The following BRCA1 variants were observed in gnomAD, a reference collection of about 807,000 sequenced individuals.
BRCA1 encodes the protein breast cancer type 1 susceptibility protein.
BRCA1 carries 140 observed loss-of-function variants against 173.7 expected under a neutral mutation model. The observed-to-expected ratio is 0.81, with a 90% CI of 0.70 to 0.93. The LOEUF (loss-of-function observed/expected upper bound fraction) is 0.93, where lower values mean the gene tolerates loss of function less well. Among genes scored for constraint, BRCA1 ranks in the 40% least tolerant of loss-of-function variants. The pLI, the probability that BRCA1 is intolerant of heterozygous loss-of-function variation, is 0.00. For missense variants in BRCA1, 1,983 were observed against 2,172.5 expected, an observed-to-expected ratio of 0.91 and a Z score of 1.73; for synonymous variants, 662 against 756.0, an observed-to-expected ratio of 0.88 and a Z score of 2.04.
chr17:43,067,833 T>A (rs1236505684), intron 15 of BRCA1, 138 bp from the exon 16 acceptor site: 1 of 426,008 alleles, frequency 2.3e-6, no homozygotes, highest in East Asian at 4.6e-5. Context: ...CTATTTAAAG[T>A]GAATTTTTTT....
At chr17:43,136,125 C>CT (rs1339506679) in intron 1 of BRCA1, among the ~76,000 whole-genome samples, 2 of 152,178 alleles carry the variant, frequency 1.3e-5, no homozygotes, top group African/African-American at 4.8e-5. Flanking sequence ...AGGCCCGTCT[C>CT]TAACAAAGAC....
intron 18 of BRCA1, among the ~76,000 whole-genome samples, chr17:43,059,087 C>A (rs575106898): frequency 2.0e-5 from 3 of 152,286 alleles, no homozygotes; most frequent in Non-Finnish European, 4.4e-5. Flanking sequence ...TGTTCATAGT[C>A]CTCCTTGTAC....
At chr17:43,103,871 C>G (rs1268124792) in intron 6 of BRCA1, among the ~76,000 whole-genome samples, 1 of 151,906 alleles carries the variant, frequency 6.6e-6, no homozygotes, top group African/African-American at 2.4e-5. Context: ...ATTTGGGGAG[C>G]CGAGGTGGGT....
chr17:43,114,012 T>G (rs1286253714), intron 3 of BRCA1, among the ~76,000 whole-genome samples: 3 of 150,596 alleles, frequency 2.0e-5, no homozygotes, highest in African/African-American at 7.4e-5. Flanking sequence ...GAGGTGGAGG[T>G]TGCAGTGAGC....
rs181555052 is a variant in BRCA1, at chr17:43,144,700, A to G, written c.-19-20585T>C. On this transcript the variant is annotated intron_variant, in intron 1 of 7. Transcript: ENST00000634433. ...TTACTGCATGGCTAGAATTAGTTAT[A>G]TATATTCTTTAATATAAGAAAAATA... 37 of 227,588 alleles carry G rather than the reference A, an allele frequency of 1.6e-4. No homozygotes were observed. The Admixed American group carries it at 1.8e-3, about 11-fold the overall frequency. The allele number at this position is 227,588 out of a possible 1,614,324, so 14.1% of individuals were successfully genotyped here. A position where few individuals can be genotyped will look rare whatever the true frequency, so the allele number is the denominator to read the frequency against.
At position 43,104,871 on chromosome 17, in the gene BRCA1, C is replaced by G. The variant is rs2054670804; in HGVS notation, c.298G>C (p.Glu100Gln). The G allele has an allele frequency of 1.2e-6, 2 of 1,613,344 alleles. No individual in the cohort carries two copies. The highest frequency in any genetic ancestry group is 2.2e-5 in the South Asian group (2 of 91,058). ...TCTTGGGATATTCAACACTTACACT[C>G]CAAACCTGTGTCAAGCTGAAAAGCA... is the stretch of plus-strand genomic sequence containing the variant. ...ICAFQLDTGL[E>Q]YANSYNFAKK... The change falls in exon 5 of 23, where the codon GAG becomes CAG. Residue 100 changes from glutamate (E) to glutamine (Q), a missense_variant. Physicochemically the swap from Glu to Gln is conservative, Grantham distance 29. Coordinates refer to ENST00000357654, the MANE Select transcript of BRCA1 (RefSeq NM_007294.4).
chr17:43,124,228 A>G, intron 1 of BRCA1, 113 bp from the exon 2 acceptor site: 1 of 712,534 alleles, frequency 1.4e-6, no homozygotes, highest in Non-Finnish European at 2.3e-6. Flanking sequence ...AGGTTTTAGA[A>G]TAATACAAAC....
At chr17:43,054,744 A>ATT (rs11347376) in intron 19 of BRCA1, among the ~76,000 whole-genome samples, 4 of 137,538 alleles carry the variant, frequency 2.9e-5, no homozygotes, top group East Asian at 2.1e-4. Context: ...CCCAGCTGGG[A>ATT]TTTTTTTTTT....
At chr17:43,086,979 G>T (rs545160227) in intron 11 of BRCA1, among the ~76,000 whole-genome samples, 2 of 152,320 alleles carry the variant, frequency 1.3e-5, no homozygotes, top group Middle Eastern at 3.4e-3. Context: ...GGCAGTAGAA[G>T]ATAAGCCTTC....
At chr17:43,151,053 G>T (rs758056225) in intron 1 of BRCA1, among the ~76,000 whole-genome samples, 1 of 152,106 alleles carries the variant, frequency 6.6e-6, no homozygotes, top group Non-Finnish European at 1.5e-5. Context: ...ATTCCCTAGG[G>T]CCCTCAGGGC....
rs187977357 is a variant in BRCA1 at position 43,084,667 on chromosome 17, T to C, written c.4186-2092A>G. ...GTTCACAATTTTCAGGAGGTTTTTA[T>C]GACCAGAAAATGTATTCCTAGCTTC... On this transcript the variant is annotated intron_variant, in intron 11 of 22. Coordinates refer to ENST00000357654, the MANE Select transcript of BRCA1 (RefSeq NM_007294.4). Among the ~76,000 whole-genome samples, 8 of 152,326 alleles carry C rather than the reference T, an allele frequency of 5.3e-5. No homozygotes were observed. In the East Asian group the frequency reaches 1.5e-3, roughly 29 times the overall value.
chr17:43,111,100 CA>C (rs368128956), intron 3 of BRCA1, among the ~76,000 whole-genome samples: 211 of 113,994 alleles, frequency 1.9e-3, no homozygotes, highest in Middle Eastern at 4.7e-3. Context: ...GACTCCATCT[CA>C]AAAAAAAAAA....
At chr17:43,104,831 G>C (rs768740518) in intron 5 of BRCA1, 37 bp downstream of exon 5, 2 of 1,551,996 alleles carry the variant, frequency 1.3e-6, no homozygotes, top group Non-Finnish European at 1.8e-6. Context: ...TTCATGGACA[G>C]CACTTGAGTG....
rs979531844 is a variant in BRCA1, at chr17:43,094,382, A to G, written c.1149T>C (p.Asn383=). ...ITLNSSIQKV[N]EWFSRSDELL... is the part of the protein sequence containing the mutation. ...GTTCATCACTTCTGGAAAACCACTC[A>G]TTAACTTTCTGAATGCTGCTATTTA... The change falls in exon 10 of 23, where the codon AAT becomes AAC. Residue 383 remains asparagine (N), a synonymous_variant. Coordinates refer to ENST00000357654, the MANE Select transcript of BRCA1 (RefSeq NM_007294.4). 6.2e-7 allele frequency: 1 copy of G among 1,614,202 alleles called. No homozygotes were observed.
intron 4 of BRCA1, among the ~76,000 whole-genome samples, chr17:43,106,027 T>C (rs1048035046): frequency 6.7e-6 from 1 of 148,860 alleles, no homozygotes; most frequent in Non-Finnish European, 1.5e-5. Flanking sequence ...TTTGGGAGGC[T>C]AAGGCAGGAA....
At chr17:43,060,953 C>T (rs2051722548) in intron 18 of BRCA1, among the ~76,000 whole-genome samples, 1 of 151,906 alleles carries the variant, frequency 6.6e-6, no homozygotes, top group East Asian at 1.9e-4. Context: ...TGGTAAAACC[C>T]CATCTCTACT....
chr17:43,109,925 C>T (rs562284966), intron 3 of BRCA1, among the ~76,000 whole-genome samples: 30 of 150,406 alleles, frequency 2.0e-4, no homozygotes, highest in African/African-American at 7.1e-4. Context: ...GACGGAGTCT[C>T]GCTCTGTCTC....
intron 14 of BRCA1, among the ~76,000 whole-genome samples, chr17:43,073,976 T>G (rs2052569720): frequency 6.6e-6 from 1 of 152,118 alleles, no homozygotes; most frequent in South Asian, 2.1e-4. Context: ...AGACAGGTCT[T>G]GAACTCCTGA....
At chr17:43,047,799 TCTTGCTC>T in intron 21 of BRCA1, 96 bp from the exon 22 acceptor site, 1 of 1,299,392 alleles carries the variant, frequency 7.7e-7, no homozygotes, top group African/African-American at 1.5e-5. Context: ...TGAGACAGGG[TCTTGCTC>T]TGTCACCCAG....
Sources: gnomAD v4.1 joint callset for allele counts (sites outside exome capture counted in the v4.1 genomes callset) on GRCh38, gnomAD v4.1.1 for gene constraint, MANE v1.5 for transcripts, NCBI Gene and HGNC (gene_info 2026-07-23, HGNC 2026-07-21) for gene names.